Variants in CNTN5 observed in about 807,000 individuals in gnomAD.
CNTN5 encodes contactin-5.
A neutral mutation model predicts 129.1 loss-of-function variants in CNTN5; 77 were observed. That is an observed-to-expected ratio of 0.60 (90% CI 0.50 to 0.72). CNTN5 has a LOEUF of 0.72. Among genes scored for constraint, CNTN5 ranks in the 30% least tolerant of loss-of-function variants. CNTN5 has a pLI of 0.00. For missense variants in CNTN5, 1,478 were observed against 1,328.8 expected (o/e 1.11, Z -1.75); for synonymous variants, 509 against 465.6 (o/e 1.09, Z -1.20).
At chr11:99,403,724 A>C (rs1319337253) in intron 2 of CNTN5, among the ~76,000 whole-genome samples, 1 of 152,124 alleles carries the variant, frequency 6.6e-6, no homozygotes, top group Non-Finnish European at 1.5e-5. Flanking sequence ...GAAGATCCTT[A>C]ATATTATTTC....
At chr11:99,326,217 A>G (rs979006886) in intron 2 of CNTN5, among the ~76,000 whole-genome samples, 2 of 152,200 alleles carry the variant, frequency 1.3e-5, no homozygotes, top group East Asian at 3.8e-4. Context: ...AATTAAATCC[A>G]TTGTGTGCTA....
rs1234913314 is a variant in CNTN5 at position 100,238,529 on chromosome 11, GT to G, written c.2005+13718del. 3.5e-5 allele frequency among the ~76,000 whole-genome samples: 4 copies of G among 113,244 alleles called. No individual in the cohort carries two copies. In the East Asian group the frequency reaches 1.0e-3, roughly 29 times the overall value. 74.3% of individuals were successfully genotyped at this position (113,244 alleles called of 152,430 possible). ...GGAGAAGGGGGAAGAGGAGGAGGGGGTAGAAGAGGAGGAGGAGGAGGGGGAA... is the reference window on the plus strand; with the variant it reads ...GGAGAAGGGGGAAGAGGAGGAGGGGGAGAAGAGGAGGAGGAGGAGGGGGAA... On this transcript the variant is annotated intron_variant, in intron 16 of 24. Coordinates refer to ENST00000524871, the MANE Select transcript of CNTN5 (RefSeq NM_014361.4).
At chr11:99,503,984 A>G (rs2135390467) in intron 2 of CNTN5, among the ~76,000 whole-genome samples, 1 of 152,196 alleles carries the variant, frequency 6.6e-6, no homozygotes, top group South Asian at 2.1e-4. Context: ...TTACTTTTTA[A>G]TATTCATTTT....
At chr11:99,307,897 C>T (rs1357563343) in intron 1 of CNTN5, among the ~76,000 whole-genome samples, 3 of 152,186 alleles carry the variant, frequency 2.0e-5, no homozygotes, top group Non-Finnish European at 4.4e-5. Flanking sequence ...GAGCCAAACA[C>T]ATACACCCAA....
chr11:99,898,276 T>C (rs548661956), intron 6 of CNTN5, among the ~76,000 whole-genome samples: 35 of 151,922 alleles, frequency 2.3e-4, no homozygotes, highest in African/African-American at 8.2e-4. Context: ...AAATAAAAGG[T>C]TGGTTCTTTG....
At chr11:99,197,395 G>A (rs1041028022) in intron 1 of CNTN5, among the ~76,000 whole-genome samples, 5 of 151,858 alleles carry the variant, frequency 3.3e-5, no homozygotes, top group Admixed American at 6.6e-5. Context: ...TTCTATTGAA[G>A]TAACATTGAT....
At chr11:99,454,876 T>C (rs896469700) in intron 2 of CNTN5, among the ~76,000 whole-genome samples, 2 of 152,128 alleles carry the variant, frequency 1.3e-5, no homozygotes, top group African/African-American at 2.4e-5. Flanking sequence ...TGTGCTCTGA[T>C]AGGAAATCTA....
chr11:99,755,750 C>A (rs931153990), intron 3 of CNTN5, among the ~76,000 whole-genome samples: 4 of 151,874 alleles, frequency 2.6e-5, no homozygotes, highest in Non-Finnish European at 5.9e-5. Context: ...GAATTAGAGA[C>A]CCTGAAAGAA....
intron 6 of CNTN5, among the ~76,000 whole-genome samples, chr11:99,895,282 T>A (rs184914486): frequency 6.6e-6 from 1 of 152,348 alleles, no homozygotes; most frequent in Non-Finnish European, 1.5e-5. Flanking sequence ...AATATTGACA[T>A]TCCCTATAGT....
intron 3 of CNTN5, among the ~76,000 whole-genome samples, chr11:99,723,008 T>C (rs1347171556): frequency 6.6e-6 from 1 of 152,084 alleles, no homozygotes; most frequent in African/African-American, 2.4e-5. Flanking sequence ...TATTTTTTTT[T>C]CAGCTCATGC....
intron 3 of CNTN5, among the ~76,000 whole-genome samples, chr11:99,802,499 G>GC (rs1946145176): frequency 6.6e-6 from 1 of 152,208 alleles, no homozygotes; most frequent in African/African-American, 2.4e-5. Context: ...CCAGAGGTGT[G>GC]CCTCAGCATG....
intron 15 of CNTN5, among the ~76,000 whole-genome samples, chr11:100,217,326 A>C (rs1287396694): frequency 6.6e-6 from 1 of 152,216 alleles, no homozygotes; most frequent in Non-Finnish European, 1.5e-5. Context: ...GTCACAGTAC[A>C]GCCATGCTTG....
intron 21 of CNTN5, among the ~76,000 whole-genome samples, chr11:100,328,015 T>C (rs7951984): frequency 0.014 from 2,061 of 152,030 alleles, 43 homozygotes; most frequent in African/African-American, 0.046. Context: ...ATTAAAGGTA[T>C]AGAAGTAACA....
chr11:99,459,696 C>T (rs1400347602), intron 2 of CNTN5, among the ~76,000 whole-genome samples: 2 of 151,902 alleles, frequency 1.3e-5, no homozygotes, highest in East Asian at 1.9e-4. Context: ...AACAAGACAC[C>T]TCTGTAACCT....
chr11:99,690,266 C>G (rs975119168), intron 3 of CNTN5, among the ~76,000 whole-genome samples: 1 of 152,078 alleles, frequency 6.6e-6, no homozygotes, highest in Admixed American at 6.6e-5. Flanking sequence ...TTTGGGTTCT[C>G]TATTCTGTTC....
intron 17 of CNTN5, among the ~76,000 whole-genome samples, chr11:100,266,196 G>A (rs1386286720): frequency 6.6e-6 from 1 of 151,822 alleles, no homozygotes; most frequent in Non-Finnish European, 1.5e-5. Flanking sequence ...AGATTGAGAC[G>A]AGCCTGGACA....
At chr11:99,464,815 A>G (rs1944870992) in intron 2 of CNTN5, among the ~76,000 whole-genome samples, 1 of 152,214 alleles carries the variant, frequency 6.6e-6, no homozygotes, top group Non-Finnish European at 1.5e-5. Context: ...ATATTTACAT[A>G]AAAATAGTTT....
At chr11:99,708,736 C>T (rs1284243007) in intron 3 of CNTN5, among the ~76,000 whole-genome samples, 1 of 151,668 alleles carries the variant, frequency 6.6e-6, no homozygotes, top group Non-Finnish European at 1.5e-5. Flanking sequence ...GTCCCAGCCT[C>T]CCTTCTGCCA....
At chr11:100,015,039 A>G (rs759241647) in intron 9 of CNTN5, among the ~76,000 whole-genome samples, 2 of 152,168 alleles carry the variant, frequency 1.3e-5, no homozygotes, top group Admixed American at 1.3e-4. Context: ...CTGTTTGATT[A>G]CCATAAATGT....
Sources: allele counts gnomAD v4.1 joint callset (sites outside exome capture counted in the v4.1 genomes callset), GRCh38; gene constraint gnomAD v4.1.1; transcripts MANE v1.5; gene names NCBI Gene and HGNC (gene_info 2026-07-23, HGNC 2026-07-21).